Variants in VTCN1 observed in about 807,000 individuals in gnomAD.
The protein encoded by VTCN1 is V-set domain containing T cell activation inhibitor 1.
VTCN1 carries 26 observed loss-of-function variants against 26.5 expected under a neutral mutation model. The observed-to-expected ratio is 0.98, with a 90% CI of 0.72 to 1.36. VTCN1 has a LOEUF of 1.36. Ranked by LOEUF, VTCN1 falls within the 40% of genes most tolerant of loss-of-function variation. The pLI, the probability that VTCN1 is intolerant of heterozygous loss-of-function variation, is 0.00. For synonymous variants in VTCN1, 116 were observed against 130.7 expected, an observed-to-expected ratio of 0.89 and a Z score of 0.77; for missense variants, 298 against 337.7, an observed-to-expected ratio of 0.88 and a Z score of 0.92.
At chr1:117,174,496 G>T (rs1653093324) in intron 1 of VTCN1, among the ~76,000 whole-genome samples, 1 of 152,236 alleles carries the variant, frequency 6.6e-6, no homozygotes, top group African/African-American at 2.4e-5. Context: ...GCCAGGCGCG[G>T]TGACTCACGG....
chr1:117,178,780 A>G (rs1647520701), intron 1 of VTCN1, among the ~76,000 whole-genome samples: 1 of 151,774 alleles, frequency 6.6e-6, no homozygotes, highest in Non-Finnish European at 1.5e-5. Context: ...ATGTAGAGAC[A>G]GGGTTTCACT....
chr1:117,161,585 G>A lies in VTCN1; in HGVS notation c.98-4664C>T, dbSNP rs1652373195. ...ATCTGTAAGTCCTGTAGTGCCTAGAGCTATGTTTCTGCAGAGAAAAATAAT... is the reference window on the plus strand; with the variant it reads ...ATCTGTAAGTCCTGTAGTGCCTAGAACTATGTTTCTGCAGAGAAAAATAAT... On this transcript the variant is annotated intron_variant, in intron 2 of 5. Coordinates refer to ENST00000369458, the MANE Select transcript of VTCN1 (RefSeq NM_024626.4). This position sits in a 1 kb window ranked among gnomAD's most constrained non-coding sequence, Gnocchi z 4.3. 6.6e-6 allele frequency among the ~76,000 whole-genome samples: 1 copy of A among 152,148 alleles called. No homozygotes were observed. Among genetic ancestry groups the A allele is most frequent in the African/African-American group, 2.4e-5 (1 of 41,428 alleles).
intron 2 of VTCN1, among the ~76,000 whole-genome samples, chr1:117,162,052 G>T (rs1652393252): frequency 1.3e-5 from 2 of 152,132 alleles, no homozygotes. Context: ...ATTAAAAGTA[G>T]GCAGCTGTGG....
In VTCN1 at chr1:117,188,552, C is replaced by T. The variant is rs559307575; in HGVS notation, c.33-18381G>A. Among the ~76,000 whole-genome samples, 84 of 152,290 alleles carry T rather than the reference C, an allele frequency of 5.5e-4. 1 individual carries two copies. The highest frequency in any genetic ancestry group is 7.4e-5 in the Non-Finnish European group (5 of 68,020). Reference sequence around the variant, plus strand: ...AGGTCAGATATAAAAAGAAATTATTCCTTTGATTATAACTACTGGTCATGC... The same window carrying T: ...AGGTCAGATATAAAAAGAAATTATTTCTTTGATTATAACTACTGGTCATGC... On this transcript the variant is annotated intron_variant, in intron 1 of 5. Transcript: ENST00000369458.
At position 117,153,639 on chromosome 1, in the gene VTCN1, C is replaced by T. The variant is rs374109334; in HGVS notation, c.446-270G>A. Among the ~76,000 whole-genome samples, 30 of 152,074 alleles carry T rather than the reference C, an allele frequency of 2.0e-4. No homozygotes were observed. The East Asian group carries it at 5.8e-3, about 29-fold the overall frequency. ...CTAAATTCTAGGTATATTATGGTTACAATAGAAAATTTTCTCCAAGTAAGA... is the reference window on the plus strand; with the variant it reads ...CTAAATTCTAGGTATATTATGGTTATAATAGAAAATTTTCTCCAAGTAAGA... On this transcript the variant is annotated intron_variant, in intron 3 of 5. Coordinates refer to ENST00000369458, the MANE Select transcript of VTCN1 (RefSeq NM_024626.4).
rs1258902710 is a variant in VTCN1, at chr1:117,167,727, C to T, written c.97+2380G>A. ...TGTGAGCTGCTTTTTTAAGCACTCACACTCCTTGTGAGCTGCTTTATTTTG... is the reference window on the plus strand; with the variant it reads ...TGTGAGCTGCTTTTTTAAGCACTCATACTCCTTGTGAGCTGCTTTATTTTG... On this transcript the variant is annotated intron_variant, in intron 2 of 5. Transcript: ENST00000369458. This position sits in a 1 kb window ranked among gnomAD's most constrained non-coding sequence, Gnocchi z 4.1. 1.3e-5 allele frequency among the ~76,000 whole-genome samples: 2 copies of T among 152,090 alleles called. No homozygotes were observed. Among genetic ancestry groups the T allele is most frequent in the East Asian group, 3.9e-4 (2 of 5,192 alleles).
chr1:117,157,091 T>TTATA, intron 2 of VTCN1, 170 bp from the exon 3 acceptor site: 2 of 759,184 alleles, frequency 2.6e-6, no homozygotes, highest in Non-Finnish European at 2.0e-6. Flanking sequence ...ACAATCATTT[T>TTATA]GATATATATA....
chr1:117,206,935 C>T (rs1486101997), intron 1 of VTCN1, among the ~76,000 whole-genome samples: 1 of 152,174 alleles, frequency 6.6e-6, no homozygotes, highest in Non-Finnish European at 1.5e-5. Flanking sequence ...ACGGGATGGA[C>T]TCAGAAGGTT....
chr1:117,155,105 C>A lies in VTCN1; in HGVS notation c.445+1469G>T, dbSNP rs1421896279. 6.6e-6 allele frequency among the ~76,000 whole-genome samples: 1 copy of A among 152,126 alleles called. No homozygotes were observed. Among genetic ancestry groups the A allele is most frequent in the Non-Finnish European group, 1.5e-5 (1 of 68,026 alleles). ...ATGACCTTGACAGTTCTGAGGAGTA[C>A]TGGTTAGGTATTCTGTAGGTTGCCC... On this transcript the variant is annotated intron_variant, in intron 3 of 5. Transcript: ENST00000369458. This position sits in a 1 kb window ranked among gnomAD's most constrained non-coding sequence, Gnocchi z 4.8.
In VTCN1 at chr1:117,155,992, G is replaced by T. The variant is rs77394988; in HGVS notation, c.445+582C>A. ...AGATCTATATTATGAGCTCTGTAAG[G>T]GTAGGGGAAATCTGTTTAATCATCT... On this transcript the variant is annotated intron_variant, in intron 3 of 5. Coordinates refer to ENST00000369458, the MANE Select transcript of VTCN1 (RefSeq NM_024626.4). This position sits in a 1 kb window ranked among gnomAD's most constrained non-coding sequence, Gnocchi z 4.8. Among the ~76,000 whole-genome samples the T allele has an allele frequency of 8.6e-3, 1,316 of 152,232 alleles. 15 individuals carry two copies. Among genetic ancestry groups the T allele is most frequent in the African/African-American group, 0.03 (1,253 of 41,538 alleles).
intron 2 of VTCN1, among the ~76,000 whole-genome samples, chr1:117,164,357 G>A (rs748092646): frequency 2.6e-5 from 4 of 151,884 alleles, no homozygotes; most frequent in Non-Finnish European, 4.4e-5. Context: ...TTCTGGCAGG[G>A]GGGTGGGGTT....
At position 117,155,966 on chromosome 1, in the gene VTCN1, G is replaced by A. The variant is rs1017505349; in HGVS notation, c.445+608C>T. On this transcript the variant is annotated intron_variant, in intron 3 of 5. Coordinates refer to ENST00000369458, the MANE Select transcript of VTCN1 (RefSeq NM_024626.4). The surrounding 1 kb of genome is among the most constrained non-coding windows in gnomAD (Gnocchi z 4.8). ...TCTCTGTCCTGACCCCTAACTCTGTGAGATCTATATTATGAGCTCTGTAAG... is the reference window on the plus strand; with the variant it reads ...TCTCTGTCCTGACCCCTAACTCTGTAAGATCTATATTATGAGCTCTGTAAG... Among the ~76,000 whole-genome samples the A allele has an allele frequency of 6.6e-6, 1 of 152,102 alleles. No individual in the cohort carries two copies. The highest frequency in any genetic ancestry group is 2.4e-5 in the African/African-American group (1 of 41,420).
At chr1:117,186,283 C>A (rs74111992) in intron 1 of VTCN1, among the ~76,000 whole-genome samples, 2,306 of 152,264 alleles carry the variant, frequency 0.015, 67 homozygotes, top group African/African-American at 0.051. Context: ...TTAGAACAAT[C>A]GTATTAAATC....
At position 117,187,451 on chromosome 1, in the gene VTCN1, A is replaced by AATGACATAC. The variant is rs1313117712; in HGVS notation, c.33-17289_33-17281dup. Among the ~76,000 whole-genome samples the AATGACATAC allele has an allele frequency of 2.6e-5, 4 of 152,274 alleles. No individual in the cohort carries two copies. In the East Asian group the frequency reaches 7.7e-4, roughly 29 times the overall value. ...GACAAAGCAATAGCATGAAGTCCCC[A>AATGACATAC]ATGACATACAGGATCCTGTCAGTGC... On this transcript the variant is annotated intron_variant, in intron 1 of 5. Coordinates refer to ENST00000369458, the MANE Select transcript of VTCN1 (RefSeq NM_024626.4).
intron 1 of VTCN1, among the ~76,000 whole-genome samples, chr1:117,207,688 A>G (rs1034229873): frequency 1.3e-5 from 2 of 152,074 alleles, no homozygotes; most frequent in African/African-American, 4.8e-5. Context: ...AGCTCAACAC[A>G]TTAACTAGCT....
chr1:117,163,495 G>A (rs1652471577), intron 2 of VTCN1, among the ~76,000 whole-genome samples: 1 of 152,152 alleles, frequency 6.6e-6, no homozygotes, highest in Non-Finnish European at 1.5e-5. Flanking sequence ...TGGAAAGATT[G>A]CAGATCAGAG....
At chr1:117,205,894 T>A (rs1395749986) in intron 1 of VTCN1, among the ~76,000 whole-genome samples, 1 of 152,096 alleles carries the variant, frequency 6.6e-6, no homozygotes, top group African/African-American at 2.4e-5. Flanking sequence ...ATCGCTCCAA[T>A]TGGCCCCTGA....
At chr1:117,158,973 A>C (rs1338294723) in intron 2 of VTCN1, among the ~76,000 whole-genome samples, 1 of 152,168 alleles carries the variant, frequency 6.6e-6, no homozygotes, top group African/African-American at 2.4e-5. Flanking sequence ...CAGGTTCCTC[A>C]TCTCCATCTG....
At chr1:117,207,865 A>T (rs1040295993) in intron 1 of VTCN1, among the ~76,000 whole-genome samples, 1 of 151,878 alleles carries the variant, frequency 6.6e-6, no homozygotes, top group African/African-American at 2.4e-5. Flanking sequence ...TCCTGAATCC[A>T]TTTTCCTCCT....
Sources: allele counts gnomAD v4.1 joint callset (sites outside exome capture counted in the v4.1 genomes callset), GRCh38; gene constraint gnomAD v4.1.1; non-coding constraint Gnocchi (gnomAD v3.1); transcripts MANE v1.5; gene names NCBI Gene and HGNC (gene_info 2026-07-23, HGNC 2026-07-21).